THSD4: variants seen among roughly 807,000 people sequenced by gnomAD.
THSD4 encodes thrombospondin type 1 domain containing 4.
In THSD4, 69 loss-of-function variants were observed where a neutral mutation model predicts 119.0. The ratio of observed to expected loss-of-function variants is 0.58; its 90% CI spans 0.48 to 0.71. The LOEUF (loss-of-function observed/expected upper bound fraction) is 0.71, where lower values mean the gene tolerates loss of function less well. THSD4 is among the 30% of genes least tolerant of loss of function. THSD4 has a pLI of 0.00. For missense variants in THSD4, 1,393 were observed against 1,391.1 expected (o/e 1.00, Z -0.02); for synonymous variants, 524 against 540.4 (o/e 0.97, Z 0.42).
chr15:71,366,871 C>T (rs1490116151), intron 6 of THSD4, among the ~76,000 whole-genome samples: 1 of 152,108 alleles, frequency 6.6e-6, no homozygotes, highest in African/African-American at 2.4e-5. Flanking sequence ...CAAATCGAAC[C>T]CTCTAATGGT....
At chr15:71,424,017 G>A (rs940933216) in intron 7 of THSD4, among the ~76,000 whole-genome samples, 2 of 151,820 alleles carry the variant, frequency 1.3e-5, no homozygotes, top group African/African-American at 2.4e-5. Context: ...AAAGCGCTCC[G>A]ACTCTCTGCA....
At chr15:71,610,372 A>G (rs1458615860) in intron 7 of THSD4, among the ~76,000 whole-genome samples, 1 of 152,144 alleles carries the variant, frequency 6.6e-6, no homozygotes, top group Non-Finnish European at 1.5e-5. Context: ...TTTCATAGAT[A>G]TATGTGAACC....
At chr15:71,273,203 T>C (rs928257791) in intron 6 of THSD4, among the ~76,000 whole-genome samples, 1 of 152,196 alleles carries the variant, frequency 6.6e-6, no homozygotes, top group African/African-American at 2.4e-5. Context: ...AAGAATACGA[T>C]TCAGCCTGAA....
At chr15:71,369,775 CG>C (rs1267911941) in intron 6 of THSD4, among the ~76,000 whole-genome samples, 3 of 152,152 alleles carry the variant, frequency 2.0e-5, no homozygotes, top group Admixed American at 1.3e-4. Flanking sequence ...GCTTTGGTAT[CG>C]GGATGATGCT....
chr15:71,573,170 T>C (rs774794882), intron 7 of THSD4, among the ~76,000 whole-genome samples: 1 of 152,142 alleles, frequency 6.6e-6, no homozygotes, highest in Non-Finnish European at 1.5e-5. Context: ...AATCCGAGCC[T>C]CCTAGGTACA....
intron 7 of THSD4, among the ~76,000 whole-genome samples, chr15:71,431,321 A>T (rs913591651): frequency 2.6e-5 from 4 of 152,184 alleles, no homozygotes; most frequent in Admixed American, 6.5e-5. Flanking sequence ...TAAAATTTTT[A>T]TACAGTCCAA....
At chr15:71,297,134 A>AT (rs970081217) in intron 6 of THSD4, among the ~76,000 whole-genome samples, 19 of 150,572 alleles carry the variant, frequency 1.3e-4, no homozygotes, top group South Asian at 8.4e-4. Flanking sequence ...CTTGTTATTT[A>AT]TTTTTTTTTA....
chr15:71,622,313 T>C (rs1017867639), intron 7 of THSD4, among the ~76,000 whole-genome samples: 2 of 152,266 alleles, frequency 1.3e-5, no homozygotes, highest in Non-Finnish European at 2.9e-5. Flanking sequence ...CAATTACTTA[T>C]GAAAGCTGCT....
At chr15:71,180,384 A>C (rs1036965306) in intron 3 of THSD4, among the ~76,000 whole-genome samples, 3 of 152,202 alleles carry the variant, frequency 2.0e-5, no homozygotes, top group African/African-American at 7.2e-5. Context: ...TCCAATAAGC[A>C]CATTAAAAGA....
At chr15:71,327,936 A>G (rs1216515414) in intron 6 of THSD4, among the ~76,000 whole-genome samples, 2 of 152,192 alleles carry the variant, frequency 1.3e-5, no homozygotes, top group African/African-American at 4.8e-5. Flanking sequence ...AAGAATGGTG[A>G]TTTTTCAATT....
At chr15:71,264,721 T>C (rs1169944929) in intron 6 of THSD4, among the ~76,000 whole-genome samples, 1 of 152,120 alleles carries the variant, frequency 6.6e-6, no homozygotes, top group Non-Finnish European at 1.5e-5. Context: ...CTTTGGAGTA[T>C]GTTACATTAA....
intron 1 of THSD4, among the ~76,000 whole-genome samples, chr15:71,124,974 A>G (rs2040440861): frequency 6.6e-6 from 1 of 151,900 alleles, no homozygotes; most frequent in South Asian, 2.1e-4. Flanking sequence ...ATGGGAGGCT[A>G]AAGTAGGAGA....
intron 6 of THSD4, among the ~76,000 whole-genome samples, chr15:71,395,288 G>T (rs1196328026): frequency 6.6e-6 from 1 of 152,166 alleles, no homozygotes. Flanking sequence ...CCTCTGGGAG[G>T]CTGCTAAGGG....
At chr15:71,165,814 T>C (rs1596235154) in intron 3 of THSD4, among the ~76,000 whole-genome samples, 2 of 152,012 alleles carry the variant, frequency 1.3e-5, no homozygotes, top group South Asian at 4.1e-4. Flanking sequence ...GGCTGTTTGG[T>C]GGGCTTTCTA....
chr15:71,734,441 A>G (rs2053042171), intron 10 of THSD4, among the ~76,000 whole-genome samples: 1 of 152,216 alleles, frequency 6.6e-6, no homozygotes, highest in African/African-American at 2.4e-5. Context: ...ACATTCTAGA[A>G]AAGTTAAAAC....
chr15:71,773,554 A>G (rs1442722563), intron 17 of THSD4, among the ~76,000 whole-genome samples: 1 of 152,278 alleles, frequency 6.6e-6, no homozygotes, highest in African/African-American at 2.4e-5. Context: ...AAGGGAAACT[A>G]TGAGATTAAC....
At chr15:71,381,565 T>A (rs759511895) in intron 6 of THSD4, among the ~76,000 whole-genome samples, 1 of 152,212 alleles carries the variant, frequency 6.6e-6, no homozygotes, top group Non-Finnish European at 1.5e-5. Flanking sequence ...CAGAGTCCTT[T>A]CCATCCTTTC....
chr15:71,775,379 C>T (rs1398714541), intron 17 of THSD4, among the ~76,000 whole-genome samples: 2 of 152,108 alleles, frequency 1.3e-5, no homozygotes, highest in Non-Finnish European at 2.9e-5. Context: ...CAATATTAAT[C>T]AAAATCCAGG....
intron 7 of THSD4, among the ~76,000 whole-genome samples, chr15:71,523,090 A>G (rs2048466328): frequency 1.3e-5 from 2 of 152,182 alleles, no homozygotes; most frequent in South Asian, 4.1e-4. Context: ...ATTTTTAGAG[A>G]TGAGTAAAAA....
Sources: allele counts gnomAD v4.1 joint callset (sites outside exome capture counted in the v4.1 genomes callset), GRCh38; gene constraint gnomAD v4.1.1; transcripts MANE v1.5; gene names NCBI Gene and HGNC (gene_info 2026-07-23, HGNC 2026-07-21).